NLGN1: variants seen among roughly 807,000 people sequenced by gnomAD.
The protein encoded by NLGN1 is neuroligin 1, also known as neuroligin-1.
In NLGN1, 12 loss-of-function variants were observed where a neutral mutation model predicts 65.5. The observed-to-expected ratio is 0.18, with a 90% confidence interval of 0.12 to 0.30. NLGN1 has a LOEUF of 0.30. Among genes scored for constraint, NLGN1 ranks in the 10% least tolerant of loss-of-function variants. The pLI, the probability that NLGN1 is intolerant of heterozygous loss-of-function variation, is 1.00. For missense variants in NLGN1, 750 were observed against 1,007.1 expected, an observed-to-expected ratio of 0.74 and a Z score of 3.46; for synonymous variants, 350 against 359.5, an observed-to-expected ratio of 0.97 and a Z score of 0.30.
chr3:173,520,631 T>C (rs141213078), intron 2 of NLGN1, among the ~76,000 whole-genome samples: 114 of 152,336 alleles, frequency 7.5e-4, no homozygotes, highest in Middle Eastern at 3.4e-3. Context: ...GGGGCCAGCA[T>C]AACCTAGAAT....
chr3:173,684,442 A>G (rs1034688682), intron 3 of NLGN1, among the ~76,000 whole-genome samples: 2 of 152,214 alleles, frequency 1.3e-5, no homozygotes, highest in Non-Finnish European at 2.9e-5. Flanking sequence ...TTATGATACT[A>G]TGAGGCTGAA....
chr3:174,215,447 T>C (rs939581866), intron 4 of NLGN1, among the ~76,000 whole-genome samples: 2 of 152,184 alleles, frequency 1.3e-5, no homozygotes, highest in Admixed American at 6.5e-5. Context: ...CTGCCTATTA[T>C]TGAGCTGAGA....
chr3:173,433,650 T>C (rs1369846775), intron 1 of NLGN1, among the ~76,000 whole-genome samples: 2 of 152,180 alleles, frequency 1.3e-5, no homozygotes, highest in Admixed American at 1.3e-4. Flanking sequence ...CCTTTATTGC[T>C]GGTACATAGA....
chr3:174,038,463 A>T (rs554972111), intron 4 of NLGN1, among the ~76,000 whole-genome samples: 3 of 152,158 alleles, frequency 2.0e-5, no homozygotes, highest in Admixed American at 2.0e-4. Context: ...ACTCCTTTTC[A>T]GAAAAGGATT....
rs532711623 is a variant in NLGN1, at chr3:173,804,762, C to T, written c.494-2918C>T. ...TAAAGCCTGGCCAGGCATGGTGGCT[C>T]ACACCTGTAATCCCAGCACTTTGGG... On this transcript the variant is annotated intron_variant, in intron 3 of 6. Coordinates refer to ENST00000457714, the Ensembl canonical transcript of NLGN1. Among the ~76,000 whole-genome samples, 5 of 152,030 alleles carry T rather than the reference C, an allele frequency of 3.3e-5. 1 individual carries two copies. In the South Asian group the frequency reaches 1.0e-3, roughly 32 times the overall value.
rs949883558 is a variant in NLGN1, at chr3:174,265,243, G to T, written c.647-10072G>T. On this transcript the variant is annotated intron_variant, in intron 4 of 6. Coordinates refer to ENST00000457714, the Ensembl canonical transcript of NLGN1. ...CTTCCCAGCTGCTTTGTTTACCTAA[G>T]CAAGCCTGGGCAATGGCGGGCGCCA... 1.7e-3 allele frequency among the ~76,000 whole-genome samples: 262 copies of T among 151,784 alleles called. 2 individuals carry two copies. In the South Asian group the frequency reaches 0.029, roughly 17 times the overall value.
intron 2 of NLGN1, among the ~76,000 whole-genome samples, chr3:173,467,801 G>A (rs1724629633): frequency 6.6e-6 from 1 of 152,112 alleles, no homozygotes; most frequent in Non-Finnish European, 1.5e-5. Flanking sequence ...AGTCCATGCA[G>A]TCCTTTAGAG....
intron 4 of NLGN1, among the ~76,000 whole-genome samples, chr3:173,899,981 T>G (rs1737036348): frequency 6.6e-6 from 1 of 152,096 alleles, no homozygotes; most frequent in Non-Finnish European, 1.5e-5. Context: ...TCATAAGAGA[T>G]AATGTGTTCA....
chr3:173,524,161 C>A (rs1046544664), intron 2 of NLGN1, among the ~76,000 whole-genome samples: 107 of 151,668 alleles, frequency 7.1e-4, no homozygotes, highest in African/African-American at 2.5e-3. Flanking sequence ...CTCCTGACCT[C>A]GTGATCTGCC....
At chr3:173,543,474 G>A (rs1293947987) in intron 2 of NLGN1, among the ~76,000 whole-genome samples, 2 of 151,968 alleles carry the variant, frequency 1.3e-5, no homozygotes, top group Non-Finnish European at 2.9e-5. Flanking sequence ...TATACACTGG[G>A]GTAAAACAGT....
intron 4 of NLGN1, among the ~76,000 whole-genome samples, chr3:174,026,851 TC>T (rs151146453): frequency 0.01 from 1,552 of 152,260 alleles, 17 homozygotes; most frequent in Non-Finnish European, 0.014. Flanking sequence ...GAATTTCTGT[TC>T]CTAATTTTAT....
At chr3:174,204,867 A>C (rs1735115847) in intron 4 of NLGN1, among the ~76,000 whole-genome samples, 2 of 152,028 alleles carry the variant, frequency 1.3e-5, no homozygotes, top group South Asian at 4.1e-4. Flanking sequence ...TTTAGATGTC[A>C]CCTGAAAATC....
chr3:174,236,459 G>A (rs1225995119), intron 4 of NLGN1, among the ~76,000 whole-genome samples: 1 of 151,866 alleles, frequency 6.6e-6, no homozygotes, highest in Non-Finnish European at 1.5e-5. Flanking sequence ...TAACATCAGA[G>A]ACATGTAAAG....
At chr3:173,398,783 C>A (rs1355506496) in intron 1 of NLGN1, among the ~76,000 whole-genome samples, 1 of 152,154 alleles carries the variant, frequency 6.6e-6, no homozygotes, top group South Asian at 2.1e-4. Context: ...TTAATATACT[C>A]ATTTTCCCTC....
chr3:174,198,937 T>G (rs1463771051), intron 4 of NLGN1, among the ~76,000 whole-genome samples: 1 of 133,564 alleles, frequency 7.5e-6, no homozygotes, highest in Non-Finnish European at 1.5e-5. Flanking sequence ...AACCTCCACC[T>G]CCCAGGTTCA....
exon 7 of NLGN1, chr3:174,283,592 G>T (rs1276214294): frequency 6.6e-6 from 1 of 151,370 alleles, no homozygotes; most frequent in Non-Finnish European, 1.5e-5. Context: ...TAAAAGTGCT[G>T]AGCAAGATAT....
chr3:174,096,313 T>C (rs1576848683), intron 4 of NLGN1, among the ~76,000 whole-genome samples: 1 of 151,662 alleles, frequency 6.6e-6, no homozygotes, highest in East Asian at 1.9e-4. Context: ...GATTGTCTCC[T>C]CCATCTCCCT....
At chr3:174,103,760 T>C (rs565552666) in intron 4 of NLGN1, among the ~76,000 whole-genome samples, 1 of 152,208 alleles carries the variant, frequency 6.6e-6, no homozygotes, top group South Asian at 2.1e-4. Flanking sequence ...TTGAATATAG[T>C]TTTTACTGTA....
At chr3:174,275,902 A>C (rs951864708) in intron 5 of NLGN1, among the ~76,000 whole-genome samples, 1 of 151,918 alleles carries the variant, frequency 6.6e-6, no homozygotes, top group Non-Finnish European at 1.5e-5. Context: ...ATTGTATATA[A>C]TCTATTTTCA....
Sources: allele counts gnomAD v4.1 joint callset (sites outside exome capture counted in the v4.1 genomes callset), GRCh38; gene constraint gnomAD v4.1.1; transcripts MANE v1.5; gene names NCBI Gene and HGNC (gene_info 2026-07-23, HGNC 2026-07-21).